The following ZC3H3 variants were observed in gnomAD, a reference collection of about 807,000 sequenced individuals.
ZC3H3 encodes the protein zinc finger CCCH domain-containing protein 3.
ZC3H3 carries 36 observed loss-of-function variants against 77.3 expected under a neutral mutation model. The ratio of observed to expected loss-of-function variants is 0.47; its 90% CI spans 0.36 to 0.61. The LOEUF is 0.61. Among genes scored for constraint, ZC3H3 ranks in the 20% least tolerant of loss-of-function variants. The probability of loss-of-function intolerance (pLI) is 0.00; values close to 1 mark genes in which losing one functional copy is unlikely to be tolerated. For synonymous variants in ZC3H3, 626 were observed against 555.2 expected, an observed-to-expected ratio of 1.13 and a Z score of -1.79; for missense variants, 1,331 against 1,312.2, an observed-to-expected ratio of 1.01 and a Z score of -0.22.
chr8:143,511,262 C>G (rs1342734713), intron 3 of ZC3H3, among the ~76,000 whole-genome samples: 7 of 152,208 alleles, frequency 4.6e-5, no homozygotes, highest in Admixed American at 4.6e-4. Context: ...AGGAGTCCTG[C>G]AGAGCCTGGC....
intron 3 of ZC3H3, among the ~76,000 whole-genome samples, chr8:143,508,250 A>AG (rs1821768687): frequency 6.6e-6 from 1 of 152,162 alleles, no homozygotes; most frequent in Non-Finnish European, 1.5e-5. Flanking sequence ...TATCCGCAAC[A>AG]GGGGGACTCG....
intron 4 of ZC3H3, among the ~76,000 whole-genome samples, chr8:143,486,565 G>C (rs575429576): frequency 3.9e-5 from 6 of 152,176 alleles, no homozygotes; most frequent in Non-Finnish European, 8.8e-5. Flanking sequence ...CACATTGGGG[G>C]TTAGGGTTTC....
At chr8:143,484,076 A>AG (rs530681429) in intron 4 of ZC3H3, among the ~76,000 whole-genome samples, 1 of 152,226 alleles carries the variant, frequency 6.6e-6, no homozygotes, top group Non-Finnish European at 1.5e-5. Flanking sequence ...ATGCAGCCTT[A>AG]GGGACAGCAG....
chr8:143,521,568 C>T (rs1016420988), intron 3 of ZC3H3, among the ~76,000 whole-genome samples: 1 of 152,156 alleles, frequency 6.6e-6, no homozygotes, highest in African/African-American at 2.4e-5. Flanking sequence ...ACGCCTGCAA[C>T]CCTCCAGAGG....
chr8:143,474,845 A>G (rs978423584), intron 5 of ZC3H3, among the ~76,000 whole-genome samples: 129 of 152,322 alleles, frequency 8.5e-4, no homozygotes, highest in African/African-American at 3.0e-3. Flanking sequence ...CTGGGCTGGG[A>G]GGGCGCAAGG....
chr8:143,510,963 G>A (rs1236027581), intron 3 of ZC3H3, among the ~76,000 whole-genome samples: 1 of 152,220 alleles, frequency 6.6e-6, no homozygotes, highest in East Asian at 1.9e-4. Context: ...CCATCAAGAG[G>A]TCACTTCTAA....
chr8:143,456,398 C>T (rs1820123754), intron 9 of ZC3H3, among the ~76,000 whole-genome samples: 1 of 152,124 alleles, frequency 6.6e-6, no homozygotes, highest in Admixed American at 6.5e-5. Flanking sequence ...GAACTATCTG[C>T]TGTCTACAAG....
At chr8:143,534,771 G>C (rs951086687) in intron 3 of ZC3H3, among the ~76,000 whole-genome samples, 2 of 152,172 alleles carry the variant, frequency 1.3e-5, no homozygotes, top group Non-Finnish European at 2.9e-5. Context: ...GGGACCGCAT[G>C]GGTCTCTGCT....
chr8:143,538,480 G>A lies in ZC3H3; in HGVS notation c.887C>T (p.Ser296Leu), dbSNP rs750725511. ...GTTAGTTCGACAGGTCACAACCAGC[G>A]AGGCCTCCCGGGCCTGCCTGGGTCC... Reference protein sequence around the residue: ...ASGPRQAREASLVVTCRTNKF... With the variant: ...ASGPRQAREALLVVTCRTNKF... Residue 296 changes from serine (S) to leucine (L), a missense_variant, in exon 2 of 12, where the codon TCG (serine) becomes TTG (leucine). This residue lies in a region of ZC3H3 where 978 missense variants were observed against 915.5 expected (regional missense o/e 1.07). Transcript: ENST00000262577. 1.4e-5 allele frequency: 23 copies of A among 1,612,848 alleles called. No homozygotes were observed. Among genetic ancestry groups the A allele is most frequent in the South Asian group, 5.5e-5 (5 of 91,094 alleles).
intron 3 of ZC3H3, among the ~76,000 whole-genome samples, chr8:143,520,196 G>C (rs1244779016): frequency 6.6e-6 from 1 of 152,252 alleles, no homozygotes; most frequent in African/African-American, 2.4e-5. Flanking sequence ...GCCACCATGA[G>C]AAAGAGGCAG....
chr8:143,534,611 C>T (rs578207263), intron 3 of ZC3H3, among the ~76,000 whole-genome samples: 1 of 152,148 alleles, frequency 6.6e-6, no homozygotes, highest in East Asian at 1.9e-4. Flanking sequence ...GCTCAGCAGA[C>T]CCTGCTGGCC....
intron 3 of ZC3H3, chr8:143,523,501 C>A: frequency 1.0e-6 from 1 of 985,442 alleles, no homozygotes; most frequent in Non-Finnish European, 1.2e-6. Flanking sequence ...TGTGGCCCTA[C>A]AGACGGAAGC....
At chr8:143,486,550 G>A (rs920460210) in intron 4 of ZC3H3, among the ~76,000 whole-genome samples, 2 of 152,174 alleles carry the variant, frequency 1.3e-5, no homozygotes, top group South Asian at 2.1e-4. Flanking sequence ...ATCCCCAAAC[G>A]TAGTCACATT....
chr8:143,484,153 C>T (rs569586823), intron 4 of ZC3H3, among the ~76,000 whole-genome samples: 4 of 152,286 alleles, frequency 2.6e-5, no homozygotes, highest in South Asian at 2.1e-4. Context: ...AGGCTGAGCA[C>T]GGCTGGCTCC....
intron 4 of ZC3H3, among the ~76,000 whole-genome samples, chr8:143,477,540 G>A (rs1586904417): frequency 6.6e-6 from 1 of 152,192 alleles, no homozygotes; most frequent in Admixed American, 6.5e-5. Context: ...GTGCCTGCAG[G>A]CCCAGCAGGT....
At chr8:143,440,433 T>C (rs1819710138) in intron 10 of ZC3H3, 70 bp from the exon 11 acceptor site, 4 of 1,472,368 alleles carry the variant, frequency 2.7e-6, no homozygotes, top group Non-Finnish European at 2.7e-6. Context: ...AGACTGCCCA[T>C]GCTCTTGGCT....
intron 3 of ZC3H3, among the ~76,000 whole-genome samples, chr8:143,517,422 G>A (rs528036292): frequency 7.2e-5 from 11 of 152,302 alleles, no homozygotes; most frequent in East Asian, 5.8e-4. Context: ...GGAGGAAACC[G>A]GACCAAGTTG....
rs968541816 is a variant in ZC3H3, at chr8:143,460,703, C to T, written c.2307+5014G>A. Among the ~76,000 whole-genome samples the T allele has an allele frequency of 2.0e-5, 3 of 152,204 alleles. No individual in the cohort carries two copies. Among genetic ancestry groups the T allele is most frequent in the Non-Finnish European group, 4.4e-5 (3 of 68,046 alleles). ...GCAGTGCACACACAACGGAATGTTA[C>T]TCTACCATAAGAAAGGAATGAGGTG... On this transcript the variant is annotated intron_variant, in intron 9 of 11. Coordinates refer to ENST00000262577, the MANE Select transcript of ZC3H3 (RefSeq NM_015117.3). The surrounding 1 kb of genome is among the most constrained non-coding windows in gnomAD (Gnocchi z 4.0).
chr8:143,523,686 C>G (rs533625572), intron 3 of ZC3H3, among the ~76,000 whole-genome samples: 210 of 152,368 alleles, frequency 1.4e-3, no homozygotes, highest in African/African-American at 4.9e-3. Context: ...CCAGGCTTCA[C>G]GCCACCAGGA....
Sources: gnomAD v4.1 joint callset for allele counts (sites outside exome capture counted in the v4.1 genomes callset) on GRCh38, gnomAD v4.1.1 for gene constraint, gnomAD v4.1.1 regional missense constraint, Gnocchi (gnomAD v3.1) non-coding constraint, MANE v1.5 for transcripts, NCBI Gene and HGNC (gene_info 2026-07-23, HGNC 2026-07-21) for gene names.